The following DGKB variants were observed in gnomAD, a reference collection of about 807,000 sequenced individuals.
The protein encoded by DGKB is 90 kDa diacylglycerol kinase.
In DGKB, 67 loss-of-function variants were observed where a neutral mutation model predicts 114.3. The ratio of observed to expected loss-of-function variants is 0.59; its 90% CI spans 0.48 to 0.72. The LOEUF (loss-of-function observed/expected upper bound fraction) is 0.72, where lower values mean the gene tolerates loss of function less well. DGKB is among the 30% of genes least tolerant of loss of function. DGKB has a pLI of 0.00. For synonymous variants in DGKB, 398 were observed against 323.1 expected (o/e 1.23, Z -2.49); for missense variants, 907 against 975.2 (o/e 0.93, Z 0.93).
intron 1 of DGKB, among the ~76,000 whole-genome samples, chr7:14,970,934 G>A (rs1787427317): frequency 6.6e-6 from 1 of 152,156 alleles, no homozygotes; most frequent in African/African-American, 2.4e-5. Context: ...AAGTGGCAGG[G>A]AAGGTGTCAC....
chr7:14,322,099 T>C (rs1807930388), intron 23 of DGKB, among the ~76,000 whole-genome samples: 1 of 152,204 alleles, frequency 6.6e-6, no homozygotes, highest in South Asian at 2.1e-4. Flanking sequence ...ACCCATAGGG[T>C]AGAACAGGTG....
chr7:14,777,221 C>A (rs1838330079), intron 2 of DGKB, among the ~76,000 whole-genome samples: 1 of 152,052 alleles, frequency 6.6e-6, no homozygotes, highest in African/African-American at 2.4e-5. Flanking sequence ...GGCTCATAAG[C>A]AAAAGGGACT....
At chr7:14,859,261 C>T (rs111685580) in intron 1 of DGKB, among the ~76,000 whole-genome samples, 2 of 152,034 alleles carry the variant, frequency 1.3e-5, no homozygotes, top group Non-Finnish European at 2.9e-5. Flanking sequence ...GACAAAAGAC[C>T]TGAATATCAA....
chr7:14,932,656 A>G (rs1288584502), intron 1 of DGKB, among the ~76,000 whole-genome samples: 1 of 152,198 alleles, frequency 6.6e-6, no homozygotes, highest in Admixed American at 6.5e-5. Flanking sequence ...TTCAAACATA[A>G]GTCACTTAAT....
At chr7:14,370,261 G>A (rs1817410446) in intron 21 of DGKB, among the ~76,000 whole-genome samples, 1 of 152,090 alleles carries the variant, frequency 6.6e-6, no homozygotes, top group Admixed American at 6.6e-5. Flanking sequence ...GGTTGTAGAT[G>A]TGTGGCATTA....
At chr7:14,954,151 C>G (rs940377715) in intron 1 of DGKB, among the ~76,000 whole-genome samples, 1 of 152,000 alleles carries the variant, frequency 6.6e-6, no homozygotes, top group Non-Finnish European at 1.5e-5. Flanking sequence ...GGCCTGTTTG[C>G]CTAAGTCAAT....
chr7:14,731,470 C>T (rs1267261018), intron 5 of DGKB, among the ~76,000 whole-genome samples: 1 of 151,842 alleles, frequency 6.6e-6, no homozygotes. Context: ...CATAATTGAT[C>T]TCGGATACAG....
intron 1 of DGKB, among the ~76,000 whole-genome samples, chr7:14,924,996 A>T (rs1426130631): frequency 3.3e-5 from 5 of 152,124 alleles, no homozygotes; most frequent in Admixed American, 1.3e-4. Context: ...TGTCTTTTTA[A>T]ATTTGTTATA....
At chr7:14,417,696 TTTTAC>T (rs1479250182) in intron 21 of DGKB, among the ~76,000 whole-genome samples, 1 of 140,492 alleles carries the variant, frequency 7.1e-6, no homozygotes, top group Non-Finnish European at 1.6e-5. Flanking sequence ...TCTGGTGATT[TTTTAC>T]TTTTTTTTTT....
At chr7:14,644,844 G>A (rs532997866) in intron 13 of DGKB, among the ~76,000 whole-genome samples, 1 of 152,190 alleles carries the variant, frequency 6.6e-6, no homozygotes, top group East Asian at 1.9e-4. Context: ...CCAGATACAG[G>A]ACACTCAATA....
In DGKB at chr7:14,197,156, A is replaced by T. The variant is rs1055789621; in HGVS notation, c.2123-19005T>A. On this transcript the variant is annotated intron_variant, in intron 23 of 25. Coordinates refer to ENST00000402815, the MANE Select transcript of DGKB (RefSeq NM_001350709.2). ...AACCAAAACCTCTTTTGTAGTACAA[A>T]CTTTGCCAATATATCTGATTCTTTT... is the stretch of plus-strand genomic sequence containing the variant. 2.0e-5 allele frequency among the ~76,000 whole-genome samples: 3 copies of T among 152,058 alleles called. 1 individual carries two copies. The East Asian group carries it at 5.8e-4, about 29-fold the overall frequency.
At chr7:14,718,974 T>C in intron 5 of DGKB, 1 of 225,928 alleles carries the variant, frequency 4.4e-6, no homozygotes, top group Non-Finnish European at 8.5e-6. Context: ...ATTTGAATGC[T>C]TGAAGACCCA....
At chr7:14,177,554 C>CAAAAAAAAAAAA (rs56019837) in intron 24 of DGKB, among the ~76,000 whole-genome samples, 3 of 69,016 alleles carry the variant, frequency 4.3e-5, no homozygotes, top group Non-Finnish European at 2.7e-5. Flanking sequence ...AACTCCGTCT[C>CAAAAAAAAAAAA]AAAAAAAAAA....
At chr7:14,840,270 C>A (rs1415520360) in intron 2 of DGKB, among the ~76,000 whole-genome samples, 1 of 152,050 alleles carries the variant, frequency 6.6e-6, no homozygotes, top group Non-Finnish European at 1.5e-5. Context: ...CTCCCTGTCA[C>A]CATGTTATTC....
chr7:14,944,694 T>TCC, intron 1 of DGKB, among the ~76,000 whole-genome samples: 1 of 151,480 alleles, frequency 6.6e-6, no homozygotes, highest in East Asian at 2.0e-4. Flanking sequence ...TGTGAGGAAG[T>TCC]TGCTACTCAT....
intron 21 of DGKB, 100 bp downstream of exon 21, chr7:14,478,061 T>C: frequency 1.4e-6 from 1 of 711,266 alleles, no homozygotes; most frequent in Admixed American, 2.6e-5. Context: ...CAAAGCCTCA[T>C]AAAGCCAGTA....
chr7:14,332,058 G>C (rs915244694), intron 23 of DGKB, among the ~76,000 whole-genome samples: 10 of 152,160 alleles, frequency 6.6e-5, no homozygotes, highest in Admixed American at 2.0e-4. Flanking sequence ...TTACAGTAAA[G>C]TATTTCCACA....
intron 22 of DGKB, among the ~76,000 whole-genome samples, chr7:14,340,472 C>G (rs1026749179): frequency 1.3e-5 from 2 of 151,346 alleles, no homozygotes; most frequent in African/African-American, 4.8e-5. Flanking sequence ...CTTTTGCACA[C>G]TGACAAGCAG....
At chr7:14,323,197 C>A (rs898006277) in intron 23 of DGKB, among the ~76,000 whole-genome samples, 16 of 152,060 alleles carry the variant, frequency 1.1e-4, no homozygotes, top group African/African-American at 3.4e-4. Context: ...AGATGCAAAT[C>A]AATATATGCC....
Sources: gnomAD v4.1 joint callset for allele counts (sites outside exome capture counted in the v4.1 genomes callset) on GRCh38, gnomAD v4.1.1 for gene constraint, MANE v1.5 for transcripts, NCBI Gene and HGNC (gene_info 2026-07-23, HGNC 2026-07-21) for gene names.